NIN: variants seen among roughly 807,000 people sequenced by gnomAD.
NIN encodes the protein ninein.
In NIN, 137 loss-of-function variants were observed where a neutral mutation model predicts 257.6. The ratio of observed to expected loss-of-function variants is 0.53; its 90% CI spans 0.46 to 0.61. The LOEUF (loss-of-function observed/expected upper bound fraction) is 0.61. Ranked by LOEUF, NIN falls within the 20% of genes least tolerant of loss-of-function variation. The pLI is 0.00. For synonymous variants in NIN, 918 were observed against 919.8 expected (o/e 1.00, Z 0.04); for missense variants, 2,439 against 2,501.2 (o/e 0.98, Z 0.53).
Position 50,726,116 on chromosome 14 carries a change from A to C in NIN, c.6079-50T>G, listed in dbSNP as rs867208765. On this transcript the variant is annotated intron_variant, in intron 29 of 30. Coordinates refer to ENST00000530997, the MANE Select transcript of NIN (RefSeq NM_020921.4). ...TCGAAAATCATGTCACACTGAAAAC[A>C]CTGGTTTATTTTCCCCACAAGATGC... 6 of 1,428,012 alleles carry C rather than the reference A, an allele frequency of 4.2e-6. No individual in the cohort carries two copies. In the Middle Eastern group the frequency reaches 6.3e-4, roughly 150 times the overall value. 88.5% of individuals were successfully genotyped at this position (1,428,012 alleles called of 1,614,324 possible). A position where few individuals can be genotyped will look rare whatever the true frequency, so the allele number is the denominator to read the frequency against.
intron 3 of NIN, among the ~76,000 whole-genome samples, chr14:50,813,152 G>GGTGAAAA (rs2044717002): frequency 6.6e-6 from 1 of 152,152 alleles, no homozygotes; most frequent in African/African-American, 2.4e-5. Context: ...CACCCCCACC[G>GGTGAAAA]GTGGGCTAAC....
chr14:50,773,983 T>G (rs1038146803), intron 7 of NIN, among the ~76,000 whole-genome samples: 4 of 152,188 alleles, frequency 2.6e-5, no homozygotes, highest in Non-Finnish European at 5.9e-5. Context: ...TCCTCTTTAT[T>G]CTGGGGTTAA....
At chr14:50,740,317 GC>G (rs1943847373) in intron 25 of NIN, among the ~76,000 whole-genome samples, 1 of 149,530 alleles carries the variant, frequency 6.7e-6, no homozygotes, top group Admixed American at 6.7e-5. Context: ...CTTCCAAGTA[GC>G]TGGGATTATG....
At chr14:50,774,632 C>T (rs1469721272) in intron 7 of NIN, among the ~76,000 whole-genome samples, 1 of 152,148 alleles carries the variant, frequency 6.6e-6, no homozygotes, top group African/African-American at 2.4e-5. Context: ...GACCTTTGTA[C>T]CAGAAATTAC....
At chr14:50,725,165 G>A (rs1193819607) in intron 30 of NIN, among the ~76,000 whole-genome samples, 1 of 152,136 alleles carries the variant, frequency 6.6e-6, no homozygotes, top group African/African-American at 2.4e-5. Context: ...GTCTACAGCT[G>A]AATTCAGACC....
chr14:50,727,655 A>G, intron 29 of NIN: 4 of 1,442,854 alleles, frequency 2.8e-6, no homozygotes, highest in Non-Finnish European at 2.8e-6. Context: ...TCTGTCTGCC[A>G]TGGTAAGAAA....
At chr14:50,797,385 G>A (rs1254236066) in intron 4 of NIN, among the ~76,000 whole-genome samples, 1 of 152,134 alleles carries the variant, frequency 6.6e-6, no homozygotes, top group Admixed American at 6.5e-5. Context: ...AGTGAGCCTG[G>A]GAAATCATTC....
chr14:50,723,213 C>A lies in NIN; in HGVS notation c.*250G>T. On this transcript the variant is annotated 3_prime_UTR_variant, in exon 31 of 31. Transcript: ENST00000530997. ...TTTAGGTTCTTGAATTTTCATATGT[C>A]CACATTCTTGGTGGCTATTAAAATT... The A allele has an allele frequency of 2.8e-6, 1 of 360,230 alleles. No individual in the cohort carries two copies. The highest frequency in any genetic ancestry group is 4.9e-6 in the Non-Finnish European group (1 of 202,112). The allele number at this position is 360,230 out of a possible 1,614,324, so 22.3% of individuals were successfully genotyped here.
intron 9 of NIN, 44 bp downstream of exon 9, chr14:50,772,257 A>G (rs368931807): frequency 3.6e-4 from 552 of 1,515,796 alleles, no homozygotes; most frequent in South Asian, 7.6e-4. Flanking sequence ...AAAATTTTCA[A>G]CCCTTCTCCA....
intron 3 of NIN, among the ~76,000 whole-genome samples, chr14:50,820,835 T>C (rs969935791): frequency 1.3e-5 from 2 of 152,306 alleles, no homozygotes; most frequent in East Asian, 3.9e-4. Flanking sequence ...TGCACATGAA[T>C]TTCAGGATGA....
intron 13 of NIN, 36 bp downstream of exon 13, chr14:50,766,744 G>T: frequency 1.4e-6 from 2 of 1,400,106 alleles, no homozygotes; most frequent in Non-Finnish European, 2.0e-6. Flanking sequence ...CATAAAGTAG[G>T]CTGCCTATCA....
intron 27 of NIN, 47 bp downstream of exon 27, chr14:50,738,093 A>G (rs1253724730): frequency 3.1e-6 from 5 of 1,593,480 alleles, no homozygotes; most frequent in East Asian, 4.5e-5. Context: ...TTAAGAACGC[A>G]TTATAGTGAG....
intron 3 of NIN, among the ~76,000 whole-genome samples, chr14:50,820,130 A>G (rs1239240228): frequency 6.6e-6 from 1 of 152,240 alleles, no homozygotes; most frequent in Non-Finnish European, 1.5e-5. Flanking sequence ...CTCCCACATG[A>G]AATCAATATG....
intron 13 of NIN, 98 bp from the exon 14 acceptor site, chr14:50,766,494 G>T: frequency 9.6e-7 from 1 of 1,038,066 alleles, no homozygotes; most frequent in Non-Finnish European, 1.5e-6. Flanking sequence ...CCAGTCTCTT[G>T]AGTATGATAG....
intron 22 of NIN, among the ~76,000 whole-genome samples, chr14:50,747,529 T>A (rs1394140656): frequency 1.3e-5 from 2 of 152,050 alleles, no homozygotes; most frequent in African/African-American, 4.8e-5. Flanking sequence ...AACCCAGGAA[T>A]TCAAGACCAG....
chr14:50,749,057 A>G (rs1329655759), intron 21 of NIN, among the ~76,000 whole-genome samples: 1 of 152,190 alleles, frequency 6.6e-6, no homozygotes, highest in East Asian at 1.9e-4. Context: ...CTGACTTCAA[A>G]CTATACTACA....
intron 30 of NIN, 174 bp from the exon 31 acceptor site, chr14:50,723,846 G>C (rs367846890): frequency 3.4e-6 from 2 of 589,518 alleles, no homozygotes; most frequent in East Asian, 2.8e-5. Context: ...GGACACCATT[G>C]GAACAAATCT....
At chr14:50,785,314 C>A (rs1335721150) in intron 5 of NIN, among the ~76,000 whole-genome samples, 2 of 152,236 alleles carry the variant, frequency 1.3e-5, no homozygotes, top group African/African-American at 4.8e-5. Context: ...AATAGCCCAG[C>A]CGCCACCCCC....
In NIN at chr14:50,757,904, C is replaced by T. The variant is rs1197737469; in HGVS notation, c.3126G>A (p.Glu1042=). 6.2e-7 allele frequency: 1 copy of T among 1,614,066 alleles called. No homozygotes were observed. Among genetic ancestry groups the T allele is most frequent in the African/African-American group, 1.3e-5 (1 of 74,934 alleles). ...LQSGCQVIGE[E]EVEGDGALSL... ...ACAGGGCTCCATCTCCTTCCACCTCCTCCTCTCCTATCACCTGGCAACCAC... is the reference window on the plus strand; with the variant it reads ...ACAGGGCTCCATCTCCTTCCACCTCTTCCTCTCCTATCACCTGGCAACCAC... Residue 1042 remains glutamate, a synonymous_variant, in exon 18 of 31, where the codon GAG becomes GAA. Transcript: ENST00000530997.
Sources: gnomAD v4.1 joint callset for allele counts (sites outside exome capture counted in the v4.1 genomes callset) on GRCh38, gnomAD v4.1.1 for gene constraint, MANE v1.5 for transcripts, NCBI Gene and HGNC (gene_info 2026-07-23, HGNC 2026-07-21) for gene names.